Variants in TTC34 observed in about 807,000 individuals in gnomAD.
TTC34 encodes the protein tetratricopeptide repeat protein 34.
A neutral mutation model predicts 40.7 loss-of-function variants in TTC34; 44 were observed. The ratio of observed to expected loss-of-function variants is 1.08; its 90% confidence interval spans 0.85 to 1.39. The LOEUF is 1.39. Ranked by LOEUF, TTC34 falls within the 40% of genes most tolerant of loss-of-function variation. TTC34 has a pLI of 0.00. For synonymous variants in TTC34, 422 were observed against 398.6 expected (o/e 1.06, Z -0.70); for missense variants, 884 against 838.0 (o/e 1.05, Z -0.68).
chr1:2,688,480 G>T (rs1232084794), intron 6 of TTC34, among the ~76,000 whole-genome samples: 2 of 138,778 alleles, frequency 1.4e-5, no homozygotes, highest in Non-Finnish European at 1.5e-5. Context: ...TTGTGGAGCA[G>T]CACCCCACAC....
At chr1:2,673,496 G>C (rs1223317982) in intron 6 of TTC34, among the ~76,000 whole-genome samples, 1 of 75,088 alleles carries the variant, frequency 1.3e-5, no homozygotes, top group Non-Finnish European at 3.2e-5. Context: ...GCATCTGACA[G>C]CCTGGAACAA....
chr1:2,683,616 T>A (rs1370511349), intron 6 of TTC34, among the ~76,000 whole-genome samples: 2 of 141,950 alleles, frequency 1.4e-5, no homozygotes, highest in Non-Finnish European at 3.0e-5. Flanking sequence ...TCTGACATCC[T>A]TCAGCAGCAC....
At position 2,777,698 on chromosome 1, in the gene TTC34, G is replaced by GGA. The variant is rs1038431767; in HGVS notation, c.2226+5910_2226+5911insTC. 1.1e-4 allele frequency among the ~76,000 whole-genome samples: 17 copies of GGA among 150,980 alleles called. No individual in the cohort carries two copies. In the East Asian group the frequency reaches 3.3e-3, roughly 29 times the overall value. ...AAGAGGCAGAGGGCATGGGGGGGGG[G>GGA]GCGCAGCATCAGCCCATATCCTGGA... is the stretch of plus-strand genomic sequence containing the variant. On this transcript the variant is annotated intron_variant, in intron 6 of 8. Coordinates refer to ENST00000401095, the Ensembl canonical transcript of TTC34.
rs186528244 is a variant in TTC34, at chr1:2,796,321, C to T, written c.784+3723G>A. On this transcript the variant is annotated intron_variant, in intron 2 of 8. Transcript: ENST00000401095. This position sits in a 1 kb window ranked among gnomAD's most constrained non-coding sequence, Gnocchi z 4.5. The stretch of plus-strand genomic sequence containing the variant: ...ATGGAAGGTCATTTGTTGCAGGAAA[C>T]TGCATCTGTAAAAAGTCTGTTATAG... 6.6e-5 allele frequency among the ~76,000 whole-genome samples: 10 copies of T among 152,332 alleles called. No homozygotes were observed. Among genetic ancestry groups the T allele is most frequent in the Admixed American group, 2.0e-4 (3 of 15,302 alleles).
Position 2,785,760 on chromosome 1 carries a change from C to T in TTC34, c.2059+59G>A, listed in dbSNP as rs994577472. ...CCACCAACCAGCATGGCAGAGACTC[C>T]CCATGTCCCCTGTGCCTGGCACAAG... is the stretch of plus-strand genomic sequence containing the variant. On this transcript the variant is annotated intron_variant, in intron 5 of 8. Coordinates refer to ENST00000401095, the Ensembl canonical transcript of TTC34. 4.7e-6 allele frequency: 7 copies of T among 1,493,986 alleles called. No individual in the cohort carries two copies. In the African/African-American group the frequency reaches 9.9e-5, roughly 21 times the overall value. The allele number at this position is 1,493,986 out of a possible 1,614,324, so 92.5% of individuals were successfully genotyped here.
At chr1:2,801,130 C>T (rs761724766) in intron 1 of TTC34, among the ~76,000 whole-genome samples, 3 of 152,190 alleles carry the variant, frequency 2.0e-5, no homozygotes, top group African/African-American at 4.8e-5. Context: ...TCCCCCAGCT[C>T]AGTTCCCTCT....
Position 2,639,395 on chromosome 1 carries a change from C to A in TTC34, c.*1973G>T, listed in dbSNP as rs187407293. 2.2e-4 allele frequency: 34 copies of A among 152,620 alleles called. No homozygotes were observed. In the South Asian group the frequency reaches 7.0e-3, roughly 32 times the overall value. 9.5% of individuals were successfully genotyped at this position (152,620 alleles called of 1,614,324 possible). On this transcript the variant is annotated 3_prime_UTR_variant, in exon 9 of 9. Transcript: ENST00000401095. ...CGAGGAGGACGGTAGGAGCAGGGAA[C>A]GTGGTGGGGAAGGGCACCCCTAGGG...
intron 6 of TTC34, among the ~76,000 whole-genome samples, chr1:2,688,364 CCA>C (rs1640469046): frequency 2.0e-5 from 3 of 150,774 alleles, no homozygotes; most frequent in Admixed American, 2.0e-4. Flanking sequence ...GGAGCAGCAC[CCA>C]CACGCCCAGG....
intron 6 of TTC34, among the ~76,000 whole-genome samples, chr1:2,751,398 C>T (rs1641314357): frequency 6.7e-6 from 1 of 148,336 alleles, no homozygotes; most frequent in South Asian, 2.2e-4. Flanking sequence ...TCTGGAGCAG[C>T]ACCCACACAC....
chr1:2,749,025 T>C, intron 6 of TTC34, among the ~76,000 whole-genome samples: 1 of 148,284 alleles, frequency 6.7e-6, no homozygotes, highest in Admixed American at 6.6e-5. Flanking sequence ...TCTGACAGCC[T>C]GGAACAGCAC....
intron 4 of TTC34, among the ~76,000 whole-genome samples, chr1:2,786,824 G>C (rs1455833918): frequency 6.6e-6 from 1 of 152,176 alleles, no homozygotes; most frequent in Non-Finnish European, 1.5e-5. Flanking sequence ...CTGCTGGTGG[G>C]CACACGGGTT....
intron 6 of TTC34, among the ~76,000 whole-genome samples, chr1:2,749,783 C>A (rs1446796521): frequency 5.6e-5 from 1 of 17,936 alleles, no homozygotes; most frequent in Admixed American, 5.5e-4. Context: ...GAGCATCTGA[C>A]AGCATGTATC....
chr1:2,683,643 G>C (rs548713898), intron 6 of TTC34, among the ~76,000 whole-genome samples: 1 of 148,840 alleles, frequency 6.7e-6, no homozygotes. Context: ...CCCCAGGTGA[G>C]CATCTGACAG....
intron 6 of TTC34, among the ~76,000 whole-genome samples, chr1:2,700,410 C>A (rs1641078038): frequency 8.9e-6 from 1 of 112,424 alleles, no homozygotes; most frequent in South Asian, 2.7e-4. Flanking sequence ...GCAGCACCCA[C>A]ACCCCTAGGC....
intron 2 of TTC34, among the ~76,000 whole-genome samples, chr1:2,799,525 A>G (rs753909318): frequency 3.2e-4 from 48 of 152,030 alleles, no homozygotes; most frequent in South Asian, 1.0e-3. Context: ...CCTGGGCAAC[A>G]AGAATGAAAC....
At chr1:2,682,645 GAACACACGGAGCAGCA>G (rs1640130490) in intron 6 of TTC34, among the ~76,000 whole-genome samples, 1 of 141,840 alleles carries the variant, frequency 7.1e-6, no homozygotes, top group Non-Finnish European at 1.6e-5. Flanking sequence ...GCGAGCATCT[GAACACACGGAGCAGCA>G]CCCACACCCC....
Position 2,783,787 on chromosome 1 carries a change from C to A in TTC34, c.2060-12G>T. 2 of 1,484,368 alleles carry A rather than the reference C, an allele frequency of 1.3e-6. No individual in the cohort carries two copies. The highest frequency in any genetic ancestry group is 1.8e-4 in the Middle Eastern group (1 of 5,670). The allele number at this position is 1,484,368 out of a possible 1,614,324, so 91.9% of individuals were successfully genotyped here. A position where few individuals can be genotyped will look rare whatever the true frequency, so the allele number is the denominator to read the frequency against. ...ACTTGCCTGGCTTCCTGCAGGAAGA[C>A]GGCATGGGGTCAGGATGAGCCTATG... is the stretch of plus-strand genomic sequence containing the variant. On this transcript the variant is annotated splice_polypyrimidine_tract_variant and intron_variant, in intron 5 of 8. Transcript: ENST00000401095.
intron 6 of TTC34, among the ~76,000 whole-genome samples, chr1:2,771,517 C>T (rs1177448778): frequency 1.3e-5 from 1 of 75,354 alleles, no homozygotes; most frequent in Non-Finnish European, 2.3e-5. Context: ...TGGAGTAGCA[C>T]GCACACCCCC....
chr1:2,789,838 C>T (rs992680401), exon 3 of TTC34: 1 of 433,502 alleles, frequency 2.3e-6, no homozygotes, highest in South Asian at 6.3e-5. Context: ...TGGCGCGCCG[C>T]GAGTCCCCGG....
Sources: allele counts gnomAD v4.1 joint callset (sites outside exome capture counted in the v4.1 genomes callset), GRCh38; gene constraint gnomAD v4.1.1; non-coding constraint Gnocchi (gnomAD v3.1); transcripts MANE v1.5; gene names NCBI Gene and HGNC (gene_info 2026-07-23, HGNC 2026-07-21).